The following NTRK2 variants were observed in gnomAD, a reference collection of about 807,000 sequenced individuals.
The protein encoded by NTRK2 is neurotrophic receptor tyrosine kinase 2.
Under a neutral mutation model 94.5 loss-of-function variants are expected in NTRK2, and 13 were observed. That is an observed-to-expected ratio of 0.14 (90% CI 0.09 to 0.22). NTRK2 has a LOEUF of 0.22. Ranked by LOEUF, NTRK2 falls within the 10% of genes least tolerant of loss-of-function variation. The pLI, the probability that NTRK2 is intolerant of heterozygous loss-of-function variation, is 1.00. For synonymous variants in NTRK2, 372 were observed against 407.4 expected (o/e 0.91, Z 1.05); for missense variants, 639 against 1,071.2 (o/e 0.60, Z 5.63).
chr9:84,760,975 G>T (rs981898766), intron 12 of NTRK2, among the ~76,000 whole-genome samples: 2 of 152,222 alleles, frequency 1.3e-5, no homozygotes, highest in Non-Finnish European at 2.9e-5. Context: ...TTATGCAATA[G>T]ATTGTCATTT....
chr9:84,872,660 C>T, intron 14 of NTRK2: 1 of 1,064,280 alleles, frequency 9.4e-7, no homozygotes, highest in Non-Finnish European at 1.1e-6. Context: ...AAAATTTTCT[C>T]CAGAGTGTGC....
Position 84,946,647 on chromosome 9 carries a change from A to G in NTRK2, c.1765-1815A>G, listed in dbSNP as rs115785863. Among the ~76,000 whole-genome samples, 377 of 152,346 alleles carry G rather than the reference A, an allele frequency of 2.5e-3. 2 individuals carry two copies. Among genetic ancestry groups the G allele is most frequent in the African/African-American group, 8.7e-3 (362 of 41,574 alleles). On this transcript the variant is annotated intron_variant, in intron 15 of 18. Transcript: ENST00000277120. Reference sequence around the variant, plus strand: ...ACTGAGTCTTGGAGGACTGCTAGATACTAGCCAGGTATATTGGTTTTCTAC... The same window carrying G: ...ACTGAGTCTTGGAGGACTGCTAGATGCTAGCCAGGTATATTGGTTTTCTAC...
intron 16 of NTRK2, among the ~76,000 whole-genome samples, chr9:84,951,446 T>C (rs762685113): frequency 2.6e-5 from 4 of 152,188 alleles, no homozygotes; most frequent in Non-Finnish European, 5.9e-5. Flanking sequence ...TAATTCAAGA[T>C]GGTGCTTTCG....
chr9:84,795,989 C>A (rs911180968), intron 12 of NTRK2, among the ~76,000 whole-genome samples: 1 of 148,776 alleles, frequency 6.7e-6, no homozygotes, highest in Admixed American at 6.7e-5. Flanking sequence ...AGCTAAGATT[C>A]TTTAATTTAT....
chr9:84,891,771 ACC>A (rs1029292459), intron 14 of NTRK2, among the ~76,000 whole-genome samples: 1 of 152,198 alleles, frequency 6.6e-6, no homozygotes, highest in Non-Finnish European at 1.5e-5. Flanking sequence ...TTCATCCTTT[ACC>A]CACAGAATTA....
rs1237863858 is a variant in NTRK2 at position 84,876,218 on chromosome 9, A to G, written c.1633+8787A>G. The G allele has an allele frequency of 2.9e-6, 3 of 1,041,608 alleles. No homozygotes were observed. The African/African-American group carries it at 5.0e-5, about 17-fold the overall frequency. 64.5% of individuals were successfully genotyped at this position (1,041,608 alleles called of 1,614,324 possible). ...AAATTTCCAATAAAGTGGTTGATATAGAGAGGACAGGATAAAGCCCTATAG... is the reference window on the plus strand; with the variant it reads ...AAATTTCCAATAAAGTGGTTGATATGGAGAGGACAGGATAAAGCCCTATAG... On this transcript the variant is annotated intron_variant, in intron 14 of 18. Coordinates refer to ENST00000277120, the MANE Select transcript of NTRK2 (RefSeq NM_006180.6).
intron 9 of NTRK2, among the ~76,000 whole-genome samples, chr9:84,741,427 AG>A (rs1166179989): frequency 1.3e-5 from 2 of 152,216 alleles, no homozygotes; most frequent in East Asian, 1.9e-4. Context: ...AGCATTATGC[AG>A]GGTGGTTAAT....
intron 14 of NTRK2, among the ~76,000 whole-genome samples, chr9:84,869,049 A>G (rs2075723734): frequency 6.6e-6 from 1 of 152,224 alleles, no homozygotes; most frequent in African/African-American, 2.4e-5. Flanking sequence ...AATCGAACAA[A>G]CGAGCAAGAG....
At chr9:84,770,220 G>A (rs561109996) in intron 12 of NTRK2, among the ~76,000 whole-genome samples, 16 of 151,168 alleles carry the variant, frequency 1.1e-4, no homozygotes, top group Admixed American at 2.0e-4. Context: ...GCAGCTGGGA[G>A]TTAAGTGCCT....
chr9:84,885,331 C>G (rs73476420), intron 14 of NTRK2, among the ~76,000 whole-genome samples: 3,842 of 152,186 alleles, frequency 0.025, 178 homozygotes, highest in African/African-American at 0.087. Flanking sequence ...ATCACGAGAT[C>G]GAGACCCTGA....
chr9:84,878,644 A>AC (rs1427675521), intron 14 of NTRK2, among the ~76,000 whole-genome samples: 1 of 151,960 alleles, frequency 6.6e-6, no homozygotes, highest in Admixed American at 6.6e-5. Flanking sequence ...AAAAAAAAAA[A>AC]AAAAATTCTG....
At chr9:84,830,419 G>C (rs926656611) in intron 12 of NTRK2, among the ~76,000 whole-genome samples, 1 of 152,120 alleles carries the variant, frequency 6.6e-6, no homozygotes, top group Non-Finnish European at 1.5e-5. Context: ...ATAAGTAGCT[G>C]TTAGAAACTG....
At chr9:84,785,855 G>A (rs2068065080) in intron 12 of NTRK2, among the ~76,000 whole-genome samples, 2 of 152,170 alleles carry the variant, frequency 1.3e-5, no homozygotes, top group African/African-American at 2.4e-5. Flanking sequence ...TTGAGAGTCA[G>A]GGATGGCTAG....
chr9:84,922,528 G>C lies in NTRK2; in HGVS notation c.1634-11634G>C, dbSNP rs139755155. The stretch of plus-strand genomic sequence containing the variant: ...GAATCATTTTCTATAGGGAGAGACT[G>C]TGTGGGCTTTGAAGCAATTCTGGCA... On this transcript the variant is annotated intron_variant, in intron 14 of 18. Transcript: ENST00000277120. Among the ~76,000 whole-genome samples the C allele has an allele frequency of 4.3e-4, 65 of 152,316 alleles. No individual in the cohort carries two copies. The Middle Eastern group carries it at 0.01, about 24-fold the overall frequency.
intron 17 of NTRK2, among the ~76,000 whole-genome samples, chr9:84,966,174 T>C (rs1427124321): frequency 1.3e-5 from 2 of 152,206 alleles, no homozygotes; most frequent in African/African-American, 4.8e-5. Flanking sequence ...AGAAAACGTC[T>C]GAAATTCTTT....
intron 17 of NTRK2, among the ~76,000 whole-genome samples, chr9:84,990,777 C>T (rs1828957336): frequency 6.6e-6 from 1 of 152,090 alleles, no homozygotes; most frequent in Non-Finnish European, 1.5e-5. Flanking sequence ...GAAGCACTGC[C>T]CTGCTTTAGC....
intron 12 of NTRK2, among the ~76,000 whole-genome samples, chr9:84,823,838 T>C (rs1373281185): frequency 6.6e-6 from 1 of 152,256 alleles, no homozygotes; most frequent in South Asian, 2.1e-4. Context: ...ACTTTCTGGC[T>C]GGACATTCTG....
At chr9:84,690,194 G>A (rs2059962545) in intron 2 of NTRK2, among the ~76,000 whole-genome samples, 1 of 152,118 alleles carries the variant, frequency 6.6e-6, no homozygotes, top group South Asian at 2.1e-4. Context: ...GAAAAATTGT[G>A]CCAATATCAA....
chr9:84,860,939 C>CG (rs1208214242), intron 12 of NTRK2, 101 bp from the exon 13 acceptor site: 3 of 537,752 alleles, frequency 5.6e-6, no homozygotes, highest in Non-Finnish European at 9.9e-6. Context: ...TTATTTTTGT[C>CG]GGGGGGAGTT....
Sources: gnomAD v4.1 joint callset for allele counts (sites outside exome capture counted in the v4.1 genomes callset) on GRCh38, gnomAD v4.1.1 for gene constraint, MANE v1.5 for transcripts, NCBI Gene and HGNC (gene_info 2026-07-23, HGNC 2026-07-21) for gene names.